Variants in PTPRZ1 observed in about 807,000 individuals in gnomAD.
PTPRZ1 encodes the protein protein tyrosine phosphatase receptor type Z1.
PTPRZ1 carries 82 observed loss-of-function variants against 214.1 expected under a neutral mutation model. The ratio of observed to expected loss-of-function variants is 0.38; its 90% CI spans 0.32 to 0.46. The LOEUF is 0.46. Among genes scored for constraint, PTPRZ1 ranks in the 20% least tolerant of loss-of-function variants. The pLI is 1.00. For missense variants in PTPRZ1, 2,603 were observed against 2,748.7 expected (o/e 0.95, Z 1.19); for synonymous variants, 945 against 987.9 (o/e 0.96, Z 0.81).
At chr7:122,057,029 T>C (rs2150494236) in intron 27 of PTPRZ1, among the ~76,000 whole-genome samples, 1 of 152,078 alleles carries the variant, frequency 6.6e-6, no homozygotes, top group East Asian at 1.9e-4. Flanking sequence ...TACATGCAAA[T>C]TATTACTTGT....
intron 13 of PTPRZ1, among the ~76,000 whole-genome samples, chr7:122,026,112 G>T (rs1174307321): frequency 6.6e-6 from 1 of 152,122 alleles, no homozygotes; most frequent in Non-Finnish European, 1.5e-5. Context: ...AGTACCATTT[G>T]TAAATACTTA....
chr7:121,900,337 T>A (rs762282419), intron 1 of PTPRZ1, among the ~76,000 whole-genome samples: 13 of 152,216 alleles, frequency 8.5e-5, no homozygotes, highest in Non-Finnish European at 1.9e-4. Context: ...TTGTCTCTGA[T>A]ACCTTTCTGT....
intron 2 of PTPRZ1, among the ~76,000 whole-genome samples, chr7:121,932,713 T>C (rs1338752117): frequency 1.3e-5 from 2 of 152,164 alleles, no homozygotes; most frequent in Non-Finnish European, 2.9e-5. Context: ...CATCAAACAT[T>C]ATTTAAATGC....
At chr7:121,874,301 T>C (rs1793985411) in intron 1 of PTPRZ1, among the ~76,000 whole-genome samples, 1 of 152,226 alleles carries the variant, frequency 6.6e-6, no homozygotes, top group Non-Finnish European at 1.5e-5. Context: ...TGAAATTGCA[T>C]TCAGCAATAG....
At chr7:122,039,917 G>A (rs1799665666) in intron 20 of PTPRZ1, among the ~76,000 whole-genome samples, 1 of 151,940 alleles carries the variant, frequency 6.6e-6, no homozygotes, top group Admixed American at 6.6e-5. Flanking sequence ...AGGAGGCAGA[G>A]GTTGCAGTGA....
chr7:121,971,362 C>T (rs946598007), intron 3 of PTPRZ1, among the ~76,000 whole-genome samples: 3 of 152,002 alleles, frequency 2.0e-5, no homozygotes, highest in Admixed American at 6.6e-5. Context: ...AAATAAGATC[C>T]CAAACAGATG....
At chr7:121,876,997 T>C (rs1462353432) in intron 1 of PTPRZ1, among the ~76,000 whole-genome samples, 1 of 152,124 alleles carries the variant, frequency 6.6e-6, no homozygotes, top group Non-Finnish European at 1.5e-5. Context: ...GTTCAGACTG[T>C]TGCATGGAAA....
chr7:122,045,547 A>G (rs866803948), intron 23 of PTPRZ1, among the ~76,000 whole-genome samples: 2 of 152,060 alleles, frequency 1.3e-5, no homozygotes, highest in African/African-American at 4.8e-5. Flanking sequence ...AAAGTCATAC[A>G]TGTTTTACTC....
intron 1 of PTPRZ1, among the ~76,000 whole-genome samples, chr7:121,890,829 C>T (rs921382894): frequency 5.3e-5 from 8 of 151,824 alleles, no homozygotes; most frequent in African/African-American, 1.9e-4. Flanking sequence ...GCTACCATGC[C>T]TGGCTATTTT....
At chr7:121,915,966 T>C (rs1272362929) in intron 1 of PTPRZ1, among the ~76,000 whole-genome samples, 1 of 152,246 alleles carries the variant, frequency 6.6e-6, no homozygotes, top group African/African-American at 2.4e-5. Flanking sequence ...TAATGCTACC[T>C]GTGGTCTGTT....
Position 122,042,601 on chromosome 7 carries a change from T to C in PTPRZ1, c.5802-7T>C. ...TTGAAATATTTATTTCTTGGTCTTC[T>C]CTTCAGTGCTGGAGTTGGAAGAACA... is the stretch of plus-strand genomic sequence containing the variant. On this transcript the variant is annotated splice_region_variant and splice_polypyrimidine_tract_variant and intron_variant, in intron 21 of 29. Transcript: ENST00000393386. 1.9e-6 allele frequency: 3 copies of C among 1,572,472 alleles called. No individual in the cohort carries two copies. Among genetic ancestry groups the C allele is most frequent in the Non-Finnish European group, 2.6e-6 (3 of 1,155,244 alleles).
intron 1 of PTPRZ1, among the ~76,000 whole-genome samples, chr7:121,922,285 G>A (rs998432699): frequency 9.2e-5 from 14 of 152,152 alleles, no homozygotes; most frequent in African/African-American, 3.1e-4. Flanking sequence ...GGCTGGGCAC[G>A]GTGGCTCATG....
chr7:121,989,958 G>A (rs1797898605), intron 8 of PTPRZ1, among the ~76,000 whole-genome samples: 1 of 152,062 alleles, frequency 6.6e-6, no homozygotes, highest in African/African-American at 2.4e-5. Context: ...CACAAAAAAT[G>A]AGAGTATACC....
intron 1 of PTPRZ1, among the ~76,000 whole-genome samples, chr7:121,898,336 G>A (rs1186271480): frequency 6.6e-6 from 1 of 152,032 alleles, no homozygotes; most frequent in East Asian, 1.9e-4. Flanking sequence ...GAAGAAGCAG[G>A]ATGTGATGTT....
At chr7:122,021,756 T>C (rs1799022907) in intron 13 of PTPRZ1, among the ~76,000 whole-genome samples, 1 of 152,124 alleles carries the variant, frequency 6.6e-6, no homozygotes, top group African/African-American at 2.4e-5. Context: ...AAAATCACTT[T>C]GATGGTTTTA....
intron 2 of PTPRZ1, among the ~76,000 whole-genome samples, chr7:121,947,242 C>G (rs566755305): frequency 1.4e-5 from 2 of 146,832 alleles, no homozygotes; most frequent in South Asian, 4.4e-4. Context: ...AACCTTTTCT[C>G]TAAGTTTAAA....
intron 4 of PTPRZ1, among the ~76,000 whole-genome samples, chr7:121,974,220 C>T (rs1797359238): frequency 6.6e-6 from 1 of 151,894 alleles, no homozygotes; most frequent in South Asian, 2.1e-4. Flanking sequence ...TTTCTTTATT[C>T]AATATTTTTA....
rs572515673 is a variant in PTPRZ1 at position 122,051,108 on chromosome 7, G to A, written c.6085-320G>A. 7.2e-5 allele frequency among the ~76,000 whole-genome samples: 11 copies of A among 152,142 alleles called. 1 individual carries two copies. The highest frequency in any genetic ancestry group is 2.7e-4 in the African/African-American group (11 of 41,502). ...CACACGATGTAATTTACCTCCAAACGTCTGTGTGAGATTTAAATAGAGGAA... is the reference window on the plus strand; with the variant it reads ...CACACGATGTAATTTACCTCCAAACATCTGTGTGAGATTTAAATAGAGGAA... On this transcript the variant is annotated intron_variant, in intron 23 of 29. Transcript: ENST00000393386.
chr7:122,028,394 A>G (rs1799270675), intron 13 of PTPRZ1, 158 bp from the exon 14 acceptor site: 1 of 510,834 alleles, frequency 2.0e-6, no homozygotes, highest in East Asian at 3.3e-5. Context: ...ACATCTTGTG[A>G]CTTGTTAAAA....
Sources: allele counts gnomAD v4.1 joint callset (sites outside exome capture counted in the v4.1 genomes callset), GRCh38; gene constraint gnomAD v4.1.1; transcripts MANE v1.5; gene names NCBI Gene and HGNC (gene_info 2026-07-23, HGNC 2026-07-21).